Variants in FAM107B observed in about 807,000 individuals in gnomAD.
The protein encoded by FAM107B is protein FAM107B.
FAM107B carries 21 observed loss-of-function variants against 31.5 expected under a neutral mutation model. The observed-to-expected ratio is 0.67, with a 90% confidence interval of 0.47 to 0.96. The LOEUF (loss-of-function observed/expected upper bound fraction) is 0.96. FAM107B is among the 40% of genes least tolerant of loss of function. The pLI is 0.00. For synonymous variants in FAM107B, 157 were observed against 141.5 expected, an observed-to-expected ratio of 1.11 and a Z score of -0.78; for missense variants, 452 against 377.1, an observed-to-expected ratio of 1.20 and a Z score of -1.64.
chr10:14,521,262 G>A lies in FAM107B; in HGVS notation c.849C>T (p.Ala283=), dbSNP rs747581664. ...KQKLQEEQEN[A]PEFVKVKGNL... ...TGCCTTTCACCTTCACAAACTCGGG[G>A]GCATTTTCTTGCTCTTCTTGCAATT... Residue 283 remains alanine (A), a synonymous_variant, in exon 5 of 5, where the codon GCC becomes GCT. Coordinates refer to ENST00000181796, the MANE Select transcript of FAM107B (RefSeq NM_031453.4). The A allele has an allele frequency of 6.2e-7, 1 of 1,613,906 alleles. No individual in the cohort carries two copies. Among genetic ancestry groups the A allele is most frequent in the African/African-American group, 1.3e-5 (1 of 74,876 alleles).
chr10:14,550,331 C>T (rs1849140623), intron 2 of FAM107B, among the ~76,000 whole-genome samples: 1 of 152,220 alleles, frequency 6.6e-6, no homozygotes, highest in Non-Finnish European at 1.5e-5. Flanking sequence ...AGAACAACCA[C>T]CACCTACCAC....
chr10:14,743,916 A>G (rs1487161401), intron 1 of FAM107B, among the ~76,000 whole-genome samples: 1 of 152,202 alleles, frequency 6.6e-6, no homozygotes, highest in African/African-American at 2.4e-5. Context: ...TAATGAGAAT[A>G]GCACTGAATC....
intron 2 of FAM107B, among the ~76,000 whole-genome samples, chr10:14,662,378 C>CTGTT (rs372383515): frequency 1.4e-5 from 2 of 139,666 alleles, no homozygotes; most frequent in Non-Finnish European, 1.5e-5. Flanking sequence ...TCTGACCTGT[C>CTGTT]TTTTTTTTTT....
At chr10:14,710,435 CACACACA>C (rs1855618127) in intron 1 of FAM107B, among the ~76,000 whole-genome samples, 1 of 9,734 alleles carries the variant, frequency 1.0e-4, no homozygotes, top group African/African-American at 6.8e-4. Context: ...TAAAAATACA[CACACACA>C]CACACACACA....
intron 2 of FAM107B, among the ~76,000 whole-genome samples, chr10:14,611,047 G>T (rs1852712084): frequency 6.6e-6 from 1 of 152,154 alleles, no homozygotes; most frequent in African/African-American, 2.4e-5. Context: ...AGAAACAGCT[G>T]TTACTCACAT....
At chr10:14,542,192 C>T (rs189567336) in intron 2 of FAM107B, among the ~76,000 whole-genome samples, 8 of 150,856 alleles carry the variant, frequency 5.3e-5, no homozygotes, top group Middle Eastern at 3.4e-3. Context: ...ATCGCTTGAA[C>T]GCAGGAGGCA....
intron 1 of FAM107B, among the ~76,000 whole-genome samples, chr10:14,681,858 G>T (rs964151665): frequency 3.3e-5 from 5 of 152,342 alleles, no homozygotes; most frequent in Admixed American, 2.6e-4. Flanking sequence ...AAGACTAGTA[G>T]CTTTAACAAC....
chr10:14,531,819 G>C (rs1352547195), intron 2 of FAM107B, among the ~76,000 whole-genome samples: 1 of 152,232 alleles, frequency 6.6e-6, no homozygotes, highest in Non-Finnish European at 1.5e-5. Context: ...GGGAAACAGA[G>C]AGAGACTCTG....
chr10:14,661,215 T>C (rs1854229530), intron 2 of FAM107B, among the ~76,000 whole-genome samples: 1 of 152,204 alleles, frequency 6.6e-6, no homozygotes, highest in South Asian at 2.1e-4. Flanking sequence ...AGGTAGTTCT[T>C]TACAGCAATG....
At chr10:14,691,880 T>G (rs1588709182) in intron 1 of FAM107B, among the ~76,000 whole-genome samples, 2 of 119,976 alleles carry the variant, frequency 1.7e-5, no homozygotes, top group East Asian at 2.4e-4. Flanking sequence ...AGCTACAGAG[T>G]GAGACTCTGT....
At chr10:14,592,257 G>C (rs958653160) in intron 2 of FAM107B, among the ~76,000 whole-genome samples, 1 of 152,248 alleles carries the variant, frequency 6.6e-6, no homozygotes, top group African/African-American at 2.4e-5. Flanking sequence ...CCTCAGGTAA[G>C]ATGATTCAGC....
chr10:14,527,440 C>T (rs1053124301), intron 3 of FAM107B, among the ~76,000 whole-genome samples: 7 of 152,256 alleles, frequency 4.6e-5, no homozygotes, highest in Admixed American at 2.0e-4. Flanking sequence ...AACACATAAT[C>T]TCTGAAATGT....
At chr10:14,633,073 C>T (rs889997969) in intron 2 of FAM107B, among the ~76,000 whole-genome samples, 1 of 152,010 alleles carries the variant, frequency 6.6e-6, no homozygotes, top group Non-Finnish European at 1.5e-5. Context: ...GTGGTGCATG[C>T]CTGTAATCCC....
intron 1 of FAM107B, among the ~76,000 whole-genome samples, chr10:14,687,687 G>A (rs1402662467): frequency 6.6e-6 from 1 of 152,116 alleles, no homozygotes; most frequent in Admixed American, 6.5e-5. Flanking sequence ...GTGCTTCCAT[G>A]AGTATTTTCT....
At chr10:14,563,386 A>G (rs1850403957) in intron 2 of FAM107B, among the ~76,000 whole-genome samples, 1 of 152,220 alleles carries the variant, frequency 6.6e-6, no homozygotes. Flanking sequence ...CAACTAATAC[A>G]ATACACACCT....
intron 2 of FAM107B, among the ~76,000 whole-genome samples, chr10:14,630,278 T>TAAAAAAAAAAAAAAAAAA (rs10525721): frequency 7.4e-6 from 1 of 134,580 alleles, no homozygotes; most frequent in Non-Finnish European, 1.6e-5. Flanking sequence ...CTACTGATGC[T>TAAAAAAAAAAAAAAAAAA]AAAAAAAAAA....
At chr10:14,700,354 G>A (rs1564630103) in intron 1 of FAM107B, among the ~76,000 whole-genome samples, 1 of 152,208 alleles carries the variant, frequency 6.6e-6, no homozygotes, top group Non-Finnish European at 1.5e-5. Flanking sequence ...CCCTGGGCAG[G>A]AGAACTATTC....
At chr10:14,689,011 C>A (rs150914988) in intron 1 of FAM107B, among the ~76,000 whole-genome samples, 1 of 152,276 alleles carries the variant, frequency 6.6e-6, no homozygotes, top group East Asian at 1.9e-4. Context: ...CATTTCATTT[C>A]ATTTATTCAA....
chr10:14,759,215 A>T (rs1254727157), intron 1 of FAM107B, among the ~76,000 whole-genome samples: 2 of 151,896 alleles, frequency 1.3e-5, no homozygotes, highest in Non-Finnish European at 2.9e-5. Flanking sequence ...TAAATAAATA[A>T]ATAAATAAAA....
Sources: gnomAD v4.1 joint callset for allele counts (sites outside exome capture counted in the v4.1 genomes callset) on GRCh38, gnomAD v4.1.1 for gene constraint, MANE v1.5 for transcripts, NCBI Gene and HGNC (gene_info 2026-07-23, HGNC 2026-07-21) for gene names.